PTPRN2: variants seen among roughly 807,000 people sequenced by gnomAD.
PTPRN2 encodes the protein protein tyrosine phosphatase receptor type N2, also known as receptor-type tyrosine-protein phosphatase N2.
A neutral mutation model predicts 118.8 loss-of-function variants in PTPRN2; 74 were observed. The observed-to-expected ratio is 0.62, with a 90% confidence interval of 0.52 to 0.76. The LOEUF (loss-of-function observed/expected upper bound fraction) is 0.76. Ranked by LOEUF, PTPRN2 falls within the 30% of genes least tolerant of loss-of-function variation. The pLI, the probability that PTPRN2 is intolerant of heterozygous loss-of-function variation, is 0.00. For synonymous variants in PTPRN2, 641 were observed against 608.0 expected, an observed-to-expected ratio of 1.05 and a Z score of -0.80; for missense variants, 1,481 against 1,394.4, an observed-to-expected ratio of 1.06 and a Z score of -0.99.
In PTPRN2 at chr7:157,658,574, C is replaced by T. The variant is rs114480613; in HGVS notation, c.2002-2023G>A. Among the ~76,000 whole-genome samples the T allele has an allele frequency of 5.8e-3, 890 of 152,326 alleles. 10 individuals are homozygous for T. The highest frequency in any genetic ancestry group is 0.02 in the African/African-American group (834 of 41,554). On this transcript the variant is annotated intron_variant, in intron 13 of 22. Transcript: ENST00000389418. ...CCCGCCTGCAGGCAGGACACGGCCACGCAGCCTCAGGTGCTCAGAACACGC... is the reference window on the plus strand; with the variant it reads ...CCCGCCTGCAGGCAGGACACGGCCATGCAGCCTCAGGTGCTCAGAACACGC...
At chr7:158,044,583 G>C (rs533657076) in intron 11 of PTPRN2, among the ~76,000 whole-genome samples, 2 of 151,768 alleles carry the variant, frequency 1.3e-5, no homozygotes, top group Non-Finnish European at 2.9e-5. Context: ...TCGGGGCCTC[G>C]ATCATTTGTA....
At chr7:157,711,485 CT>C (rs964199622) in intron 12 of PTPRN2, among the ~76,000 whole-genome samples, 40 of 152,150 alleles carry the variant, frequency 2.6e-4, no homozygotes, top group African/African-American at 8.9e-4. Flanking sequence ...CCTGTCTGTG[CT>C]CCCCTGCAGC....
chr7:158,183,673 G>A (rs1259247542), intron 5 of PTPRN2, among the ~76,000 whole-genome samples: 1 of 152,208 alleles, frequency 6.6e-6, no homozygotes, highest in Non-Finnish European at 1.5e-5. Context: ...GGACTTGGTA[G>A]GGTTAAGGTC....
At chr7:158,383,341 T>C (rs1444718776) in intron 2 of PTPRN2, among the ~76,000 whole-genome samples, 2 of 152,206 alleles carry the variant, frequency 1.3e-5, no homozygotes, top group Admixed American at 1.3e-4. Flanking sequence ...AGGGCCAGTA[T>C]TTGCTTCAGA....
At chr7:158,074,178 C>T (rs1812165601) in intron 11 of PTPRN2, among the ~76,000 whole-genome samples, 1 of 152,218 alleles carries the variant, frequency 6.6e-6, no homozygotes, top group Admixed American at 6.5e-5. Flanking sequence ...GTCAGCAAAA[C>T]CCCCTCCTGC....
At chr7:157,672,228 C>G (rs756201093) in intron 13 of PTPRN2, among the ~76,000 whole-genome samples, 1 of 152,052 alleles carries the variant, frequency 6.6e-6, no homozygotes, top group South Asian at 2.1e-4. Context: ...GACGCATGCC[C>G]GGGGCGAGGA....
At chr7:158,412,918 C>G (rs535021690) in intron 2 of PTPRN2, among the ~76,000 whole-genome samples, 1 of 147,080 alleles carries the variant, frequency 6.8e-6, no homozygotes, top group Non-Finnish European at 1.5e-5. Context: ...TCCTCAACAC[C>G]AGGGCCCATC....
intron 11 of PTPRN2, among the ~76,000 whole-genome samples, chr7:158,067,516 C>T (rs1314174334): frequency 3.3e-5 from 5 of 151,792 alleles, no homozygotes; most frequent in Non-Finnish European, 7.3e-5. Context: ...CAAGAGTCTG[C>T]GTTTTTAACG....
At chr7:157,772,731 C>G (rs1357697770) in intron 12 of PTPRN2, among the ~76,000 whole-genome samples, 1 of 152,238 alleles carries the variant, frequency 6.6e-6, no homozygotes, top group Non-Finnish European at 1.5e-5. Context: ...TGGGGGGACC[C>G]CTGTGGGGGG....
chr7:158,572,614 A>AAGTGCC, intron 1 of PTPRN2, among the ~76,000 whole-genome samples: 1 of 152,252 alleles, frequency 6.6e-6, no homozygotes, highest in South Asian at 2.1e-4. Context: ...CACTGACCCT[A>AAGTGCC]AGTGCCACAT....
At chr7:157,982,201 A>G (rs1488051744) in intron 11 of PTPRN2, among the ~76,000 whole-genome samples, 1 of 110,548 alleles carries the variant, frequency 9.0e-6, no homozygotes, top group African/African-American at 3.3e-5. Flanking sequence ...TCCCCCCTAA[A>G]CCCCGAGTCA....
chr7:158,513,892 G>A (rs1823353466), intron 1 of PTPRN2, among the ~76,000 whole-genome samples: 1 of 152,156 alleles, frequency 6.6e-6, no homozygotes, highest in African/African-American at 2.4e-5. Flanking sequence ...AACCCATTAT[G>A]AAAAATTATA....
intron 10 of PTPRN2, among the ~76,000 whole-genome samples, chr7:158,085,766 C>A (rs576830015): frequency 6.9e-6 from 1 of 145,422 alleles, no homozygotes; most frequent in East Asian, 2.1e-4. Flanking sequence ...CCATCCACAC[C>A]CATGACGCCC....
At chr7:157,860,611 T>C (rs1418760499) in intron 12 of PTPRN2, among the ~76,000 whole-genome samples, 2 of 152,264 alleles carry the variant, frequency 1.3e-5, no homozygotes, top group African/African-American at 2.4e-5. Context: ...TACCACTCCA[T>C]GCAAATCTCA....
chr7:157,574,513 T>TGAGAGAGAGAGA, intron 19 of PTPRN2: 1 of 283,040 alleles, frequency 3.5e-6, no homozygotes, highest in Middle Eastern at 4.7e-4. Context: ...AGAGTAATAA[T>TGAGAGAGAGAGA]GAGAGAGAGA....
chr7:157,992,253 A>C (rs1308951647), intron 11 of PTPRN2, among the ~76,000 whole-genome samples: 1 of 152,224 alleles, frequency 6.6e-6, no homozygotes, highest in Non-Finnish European at 1.5e-5. Flanking sequence ...AAAACACCCA[A>C]ATTTTGTTCA....
At position 158,329,669 on chromosome 7, in the gene PTPRN2, G is replaced by C. The variant is rs143047270; in HGVS notation, c.164-12737C>G. On this transcript the variant is annotated intron_variant, in intron 2 of 22. Transcript: ENST00000389418. ...TAAGCCCCGCAATAGGTGGTACTTTGAGCAGCCTTCATGGACTAAGACACT... is the reference window on the plus strand; with the variant it reads ...TAAGCCCCGCAATAGGTGGTACTTTCAGCAGCCTTCATGGACTAAGACACT... Among the ~76,000 whole-genome samples the C allele has an allele frequency of 5.3e-4, 80 of 152,306 alleles. 1 individual carries two copies. The highest frequency in any genetic ancestry group is 1.7e-3 in the African/African-American group (72 of 41,568).
At chr7:157,852,212 ACT>A (rs1809329718) in intron 12 of PTPRN2, among the ~76,000 whole-genome samples, 2 of 152,220 alleles carry the variant, frequency 1.3e-5, no homozygotes, top group Admixed American at 1.3e-4. Context: ...ATGTTGGCAA[ACT>A]CTGCTCAATT....
chr7:157,928,136 CAATCCAGAAGG>C (rs1799134363), intron 11 of PTPRN2, among the ~76,000 whole-genome samples: 1 of 152,180 alleles, frequency 6.6e-6, no homozygotes, highest in Admixed American at 6.5e-5. Flanking sequence ...ACTCTCACCA[CAATCCAGAAGG>C]AAGGTGCAGA....
Sources: allele counts gnomAD v4.1 joint callset (sites outside exome capture counted in the v4.1 genomes callset), GRCh38; gene constraint gnomAD v4.1.1; transcripts MANE v1.5; gene names NCBI Gene and HGNC (gene_info 2026-07-23, HGNC 2026-07-21).